The following WWOX variants were observed in gnomAD, a reference collection of about 807,000 sequenced individuals.
WWOX encodes WW domain-containing oxidoreductase.
A neutral mutation model predicts 46.2 loss-of-function variants in WWOX; 69 were observed. The observed-to-expected ratio is 1.49, with a 90% CI of 1.23 to 1.82. WWOX has a LOEUF of 1.82. Ranked by LOEUF, WWOX falls within the 40% of genes most tolerant of loss-of-function variation. The pLI is 0.00. For missense variants in WWOX, 919 were observed against 542.6 expected, an observed-to-expected ratio of 1.69 and a Z score of -6.89; for synonymous variants, 359 against 202.6, an observed-to-expected ratio of 1.77 and a Z score of -6.56.
chr16:78,392,156 A>T (rs1597153291), intron 6 of WWOX, among the ~76,000 whole-genome samples: 1 of 152,170 alleles, frequency 6.6e-6, no homozygotes, highest in East Asian at 1.9e-4. Flanking sequence ...GTGGTGGGCA[A>T]GCATAGGAAG....
chr16:79,164,611 G>C (rs1201319113), intron 8 of WWOX, among the ~76,000 whole-genome samples: 2 of 152,146 alleles, frequency 1.3e-5, no homozygotes, highest in Non-Finnish European at 2.9e-5. Flanking sequence ...GACACCAAAG[G>C]TGACTCCCCT....
rs368800492 is a variant in WWOX, at chr16:79,079,177, A to T, written c.1057-132431A>T. Among the ~76,000 whole-genome samples, 6 of 152,298 alleles carry T rather than the reference A, an allele frequency of 3.9e-5. No homozygotes were observed. In the East Asian group the frequency reaches 7.7e-4, roughly 20 times the overall value. The stretch of plus-strand genomic sequence containing the variant: ...ATATTTAGGGACACGGGCTCCTTCT[A>T]TCTTCTGTCACCACCACCTTTATTT... On this transcript the variant is annotated intron_variant, in intron 8 of 8. Coordinates refer to ENST00000566780, the MANE Select transcript of WWOX (RefSeq NM_016373.4).
chr16:78,381,370 G>A (rs2081954059), intron 5 of WWOX, among the ~76,000 whole-genome samples: 1 of 152,158 alleles, frequency 6.6e-6, no homozygotes, highest in Non-Finnish European at 1.5e-5. Flanking sequence ...TAAGGTGGCA[G>A]TGAACTGTGC....
chr16:78,555,149 A>G (rs1425294492), intron 8 of WWOX, among the ~76,000 whole-genome samples: 1 of 129,488 alleles, frequency 7.7e-6, no homozygotes, highest in Non-Finnish European at 1.6e-5. Context: ...TTTCTCTCAT[A>G]GTTAATGCTA....
intron 5 of WWOX, among the ~76,000 whole-genome samples, chr16:78,293,978 GAAAAAAAAAAA>G (rs35079271): frequency 2.0e-4 from 6 of 30,312 alleles, no homozygotes; most frequent in African/African-American, 4.1e-4. Context: ...CTCTGTCTCA[GAAAAAAAAAAA>G]AAAAAAAAAA....
At chr16:78,879,399 G>C (rs1456366802) in intron 8 of WWOX, among the ~76,000 whole-genome samples, 2 of 151,918 alleles carry the variant, frequency 1.3e-5, no homozygotes, top group Admixed American at 6.6e-5. Flanking sequence ...TTCCCAATTA[G>C]TTTCTTCATG....
intron 8 of WWOX, among the ~76,000 whole-genome samples, chr16:78,655,199 T>A (rs1356819069): frequency 6.6e-6 from 1 of 152,018 alleles, no homozygotes; most frequent in Non-Finnish European, 1.5e-5. Context: ...GAAACTGAGG[T>A]CTCACTCCCT....
intron 8 of WWOX, among the ~76,000 whole-genome samples, chr16:78,816,944 G>C (rs1026623605): frequency 5.3e-5 from 8 of 152,044 alleles, no homozygotes; most frequent in Non-Finnish European, 1.2e-4. Flanking sequence ...GTTATTATTA[G>C]ACAGAAACAA....
chr16:78,119,060 A>C (rs1446894627), intron 4 of WWOX: 1 of 152,234 alleles, frequency 6.6e-6, no homozygotes, highest in Non-Finnish European at 1.5e-5. Flanking sequence ...TCTTCACCCA[A>C]AGCTTCCGCT....
At chr16:78,299,359 A>G (rs894191710) in intron 5 of WWOX, among the ~76,000 whole-genome samples, 2 of 152,130 alleles carry the variant, frequency 1.3e-5, no homozygotes, top group African/African-American at 2.4e-5. Context: ...ACTTCAGTAG[A>G]GTGAACCCTG....
Position 78,388,624 on chromosome 16 carries a change from C to T in WWOX, c.605+1676C>T, listed in dbSNP as rs1293657219. Among the ~76,000 whole-genome samples, 46 of 117,104 alleles carry T rather than the reference C, an allele frequency of 3.9e-4. 1 individual carries two copies. Among genetic ancestry groups the T allele is most frequent in the Admixed American group, 2.7e-3 (23 of 8,570 alleles). 76.8% of individuals were successfully genotyped at this position (117,104 alleles called of 152,430 possible). A position where few individuals can be genotyped will look rare whatever the true frequency, so the allele number is the denominator to read the frequency against. On this transcript the variant is annotated intron_variant, in intron 6 of 8. Transcript: ENST00000566780. ...ATGGCACCACTGCACTCCAGCCTGG[C>T]GACAGATTGAGACTCCGTCTCAAAA...
At chr16:78,365,269 C>A (rs1221991145) in intron 5 of WWOX, among the ~76,000 whole-genome samples, 1 of 152,172 alleles carries the variant, frequency 6.6e-6, no homozygotes, top group Admixed American at 6.5e-5. Flanking sequence ...TCCAACGCAT[C>A]CATGGAAGTG....
chr16:78,367,217 G>A (rs766884487), intron 5 of WWOX, among the ~76,000 whole-genome samples: 2 of 152,056 alleles, frequency 1.3e-5, no homozygotes, highest in African/African-American at 2.4e-5. Flanking sequence ...CTGACCTCGT[G>A]ATTCAACTGC....
chr16:78,607,695 A>G (rs1452206748), intron 8 of WWOX, among the ~76,000 whole-genome samples: 1 of 149,096 alleles, frequency 6.7e-6, no homozygotes, highest in Non-Finnish European at 1.5e-5. Context: ...GGGGCCCTTA[A>G]GAGAAAAACT....
Position 78,460,902 on chromosome 16 carries a change from T to C in WWOX, c.1056+28150T>C, listed in dbSNP as rs180946775. Among the ~76,000 whole-genome samples, 3 of 152,356 alleles carry C rather than the reference T, an allele frequency of 2.0e-5. No individual in the cohort carries two copies. The East Asian group carries it at 5.8e-4, about 29-fold the overall frequency. On this transcript the variant is annotated intron_variant, in intron 8 of 8. Coordinates refer to ENST00000566780, the MANE Select transcript of WWOX (RefSeq NM_016373.4). ...GTTTGAAAGTGTTTTCTCTGGAGAA[T>C]AATTCTGAAGAAATAGGCCCTCCAG...
chr16:78,998,169 G>A (rs1437662578), intron 8 of WWOX, among the ~76,000 whole-genome samples: 4 of 152,168 alleles, frequency 2.6e-5, no homozygotes, highest in South Asian at 4.2e-4. Context: ...GAGCCATCGC[G>A]CCCGGCCTAG....
intron 8 of WWOX, among the ~76,000 whole-genome samples, chr16:78,806,379 T>G (rs1032071204): frequency 2.2e-4 from 34 of 152,334 alleles, no homozygotes; most frequent in African/African-American, 7.5e-4. Flanking sequence ...TTTAGTGGCT[T>G]AAAACAACAA....
At chr16:78,692,035 T>C (rs549260806) in intron 8 of WWOX, among the ~76,000 whole-genome samples, 1 of 152,214 alleles carries the variant, frequency 6.6e-6, no homozygotes, top group South Asian at 2.1e-4. Flanking sequence ...AAGTGCCTTT[T>C]GCCTACCACC....
chr16:78,940,080 T>C (rs1467728117), intron 8 of WWOX, among the ~76,000 whole-genome samples: 2 of 152,214 alleles, frequency 1.3e-5, no homozygotes, highest in Non-Finnish European at 2.9e-5. Flanking sequence ...CAAAAATGCA[T>C]TTGAGGTGGT....
Sources: gnomAD v4.1 joint callset for allele counts (sites outside exome capture counted in the v4.1 genomes callset) on GRCh38, gnomAD v4.1.1 for gene constraint, MANE v1.5 for transcripts, NCBI Gene and HGNC (gene_info 2026-07-23, HGNC 2026-07-21) for gene names.